Variants in RALGPS1 observed in about 807,000 individuals in gnomAD.
The protein encoded by RALGPS1 is ras-specific guanine nucleotide-releasing factor RalGPS1.
Under a neutral mutation model 78.8 loss-of-function variants are expected in RALGPS1, and 19 were observed. The observed-to-expected ratio is 0.24, with a 90% confidence interval of 0.17 to 0.35. RALGPS1 has a LOEUF of 0.35. Among genes scored for constraint, RALGPS1 ranks in the 10% least tolerant of loss-of-function variants. RALGPS1 has a pLI of 1.00. For missense variants in RALGPS1, 454 were observed against 688.3 expected (o/e 0.66, Z 3.81); for synonymous variants, 228 against 256.3 (o/e 0.89, Z 1.06).
At position 127,091,295 on chromosome 9, in the gene RALGPS1, T is replaced by A. The variant is rs1370451018; in HGVS notation, c.610+21939T>A. ...GGGCCAGCACTGGAGCCCAGGTGTG[T>A]GGCCCAGAGCCTACGCAGTTGGTTA... On this transcript the variant is annotated intron_variant, in intron 8 of 18. Transcript: ENST00000259351. This position sits in a 1 kb window ranked among gnomAD's most constrained non-coding sequence, Gnocchi z 4.3. Among the ~76,000 whole-genome samples the A allele has an allele frequency of 6.6e-6, 1 of 152,226 alleles. No individual in the cohort carries two copies. Among genetic ancestry groups the A allele is most frequent in the African/African-American group, 2.4e-5 (1 of 41,458 alleles).
intron 4 of RALGPS1, among the ~76,000 whole-genome samples, chr9:127,014,413 A>G (rs1312618058): frequency 6.6e-6 from 1 of 152,160 alleles, no homozygotes; most frequent in Non-Finnish European, 1.5e-5. Context: ...CCAGCACCCC[A>G]TAAGATGTTC....
intron 8 of RALGPS1, among the ~76,000 whole-genome samples, chr9:127,127,893 T>C (rs1479495785): frequency 3.3e-5 from 5 of 152,180 alleles, no homozygotes; most frequent in Admixed American, 3.3e-4. Flanking sequence ...ATTGTTATTA[T>C]ACTTTAAGTT....
At chr9:127,125,999 C>T (rs1247249559) in intron 8 of RALGPS1, among the ~76,000 whole-genome samples, 2 of 151,966 alleles carry the variant, frequency 1.3e-5, no homozygotes, top group African/African-American at 4.8e-5. Flanking sequence ...ATATGAGGAG[C>T]GGTGGGTCAG....
intron 8 of RALGPS1, among the ~76,000 whole-genome samples, chr9:127,104,392 A>G (rs1452199424): frequency 1.3e-5 from 2 of 152,232 alleles, no homozygotes; most frequent in Admixed American, 6.5e-5. Flanking sequence ...TGCCTGCTCT[A>G]TCCTTTGCCT....
intron 8 of RALGPS1, among the ~76,000 whole-genome samples, chr9:127,123,273 G>T (rs1343325208): frequency 6.6e-6 from 1 of 152,258 alleles, no homozygotes; most frequent in Non-Finnish European, 1.5e-5. Flanking sequence ...TAGGACAGTG[G>T]AAATACCACA....
intron 10 of RALGPS1, among the ~76,000 whole-genome samples, chr9:127,170,328 G>A (rs947337168): frequency 1.3e-5 from 2 of 152,214 alleles, no homozygotes; most frequent in African/African-American, 2.4e-5. Context: ...TGTCTGGGGT[G>A]GGGCCTGAAA....
intron 11 of RALGPS1, among the ~76,000 whole-genome samples, chr9:127,186,971 C>T (rs1278276567): frequency 6.6e-6 from 1 of 152,112 alleles, no homozygotes; most frequent in Non-Finnish European, 1.5e-5. Context: ...AGGCAGGAAG[C>T]ACATGGAGAC....
chr9:127,187,264 AC>A (rs1415058461), intron 11 of RALGPS1, among the ~76,000 whole-genome samples: 1 of 152,038 alleles, frequency 6.6e-6, no homozygotes, highest in Non-Finnish European at 1.5e-5. Context: ...CCCACTACAG[AC>A]TTCCTGGAGG....
At chr9:127,166,029 G>T in intron 8 of RALGPS1, 40 bp from the exon 9 acceptor site, 1 of 1,580,518 alleles carries the variant, frequency 6.3e-7, no homozygotes. Context: ...CTGGTTTGTG[G>T]TAAGCTCCTT....
chr9:127,017,685 G>T (rs983699236), intron 4 of RALGPS1, among the ~76,000 whole-genome samples: 1 of 152,044 alleles, frequency 6.6e-6, no homozygotes, highest in African/African-American at 2.4e-5. Context: ...ACATTGTTCA[G>T]CTGTACAAAA....
Position 127,162,678 on chromosome 9 carries a change from C to T in RALGPS1, c.611-3391C>T, listed in dbSNP as rs370639724. Among the ~76,000 whole-genome samples, 63 of 152,164 alleles carry T rather than the reference C, an allele frequency of 4.1e-4. No individual in the cohort carries two copies. The East Asian group carries it at 0.01, about 24-fold the overall frequency. On this transcript the variant is annotated intron_variant, in intron 8 of 18. Coordinates refer to ENST00000259351, the MANE Select transcript of RALGPS1 (RefSeq NM_014636.3). Reference sequence around the variant, plus strand: ...GAGTAGGCAGGTGTGGGCATCTGCACGTTTTGTAGAGGGGAATTATGAACT... The same window carrying T: ...GAGTAGGCAGGTGTGGGCATCTGCATGTTTTGTAGAGGGGAATTATGAACT...
intron 1 of RALGPS1, among the ~76,000 whole-genome samples, chr9:126,939,908 G>A (rs1253890274): frequency 6.6e-6 from 1 of 152,246 alleles, no homozygotes; most frequent in East Asian, 1.9e-4. Context: ...AGTATTCTAG[G>A]TAGAGTCCTC....
chr9:126,972,295 G>T (rs896472972), intron 3 of RALGPS1, among the ~76,000 whole-genome samples: 2 of 152,194 alleles, frequency 1.3e-5, no homozygotes, highest in African/African-American at 4.8e-5. Context: ...TAATGGGGCA[G>T]TTTATAATCT....
chr9:126,982,928 CTTTTTTT>C (rs71377984), intron 4 of RALGPS1, among the ~76,000 whole-genome samples: 8 of 34,590 alleles, frequency 2.3e-4, no homozygotes, highest in Middle Eastern at 0.021. Flanking sequence ...TCTTCTTCTT[CTTTTTTT>C]TTTTTTTTTT....
At chr9:127,114,393 A>C (rs570394263) in intron 8 of RALGPS1, among the ~76,000 whole-genome samples, 1 of 152,330 alleles carries the variant, frequency 6.6e-6, no homozygotes, top group South Asian at 2.1e-4. Context: ...ACAGATCCCA[A>C]AATAACCCCC....
At chr9:127,028,022 T>C (rs546139821) in intron 4 of RALGPS1, among the ~76,000 whole-genome samples, 1 of 152,220 alleles carries the variant, frequency 6.6e-6, no homozygotes, top group African/African-American at 2.4e-5. Flanking sequence ...TATCCCTAAG[T>C]CTCTGCCCCT....
intron 4 of RALGPS1, among the ~76,000 whole-genome samples, chr9:127,001,095 A>G (rs1239102877): frequency 3.0e-5 from 3 of 100,706 alleles, no homozygotes; most frequent in African/African-American, 4.9e-5. Context: ...CTACAAAACA[A>G]AACAAAACAA....
At chr9:127,023,613 C>T (rs191231313) in intron 4 of RALGPS1, among the ~76,000 whole-genome samples, 23 of 152,276 alleles carry the variant, frequency 1.5e-4, no homozygotes, top group Non-Finnish European at 2.4e-4. Flanking sequence ...TCAGTGCTAA[C>T]GCTCCCTCCC....
chr9:126,959,756 T>G (rs2038701144), intron 1 of RALGPS1, among the ~76,000 whole-genome samples: 2 of 152,224 alleles, frequency 1.3e-5, no homozygotes, highest in East Asian at 1.9e-4. Flanking sequence ...CTGACCCATT[T>G]TAACCTAAGT....
Sources: gnomAD v4.1 joint callset for allele counts (sites outside exome capture counted in the v4.1 genomes callset) on GRCh38, gnomAD v4.1.1 for gene constraint, Gnocchi (gnomAD v3.1) non-coding constraint, MANE v1.5 for transcripts, NCBI Gene and HGNC (gene_info 2026-07-23, HGNC 2026-07-21) for gene names.